MAGI2: variants seen among roughly 807,000 people sequenced by gnomAD.
MAGI2 encodes membrane-associated guanylate kinase, WW and PDZ domain-containing protein 2.
A neutral mutation model predicts 133.3 loss-of-function variants in MAGI2; 35 were observed. The observed-to-expected ratio is 0.26, with a 90% confidence interval of 0.20 to 0.35. The LOEUF (loss-of-function observed/expected upper bound fraction) is 0.35, where lower values mean the gene tolerates loss of function less well. Ranked by LOEUF, MAGI2 falls within the 10% of genes least tolerant of loss-of-function variation. MAGI2 has a pLI of 1.00. For synonymous variants in MAGI2, 729 were observed against 710.6 expected (o/e 1.03, Z -0.41); for missense variants, 1,636 against 1,863.4 (o/e 0.88, Z 2.25).
chr7:79,261,990 C>T (rs749955144), intron 1 of MAGI2, among the ~76,000 whole-genome samples: 4 of 152,102 alleles, frequency 2.6e-5, no homozygotes, highest in African/African-American at 7.2e-5. Context: ...ACTTAACTTG[C>T]AAATATAGTA....
Position 78,586,710 on chromosome 7 carries a change from C to T in MAGI2, c.538+40410G>A, listed in dbSNP as rs374693514. On this transcript the variant is annotated intron_variant, in intron 3 of 21. Transcript: ENST00000354212. ...TTCATCTTCCCAGACTCAAACTATACGAATCAAACCAGAACTCTCCATTCT... is the reference window on the plus strand; with the variant it reads ...TTCATCTTCCCAGACTCAAACTATATGAATCAAACCAGAACTCTCCATTCT... Among the ~76,000 whole-genome samples the T allele has an allele frequency of 4.6e-5, 7 of 152,272 alleles. No homozygotes were observed. The South Asian group carries it at 1.0e-3, about 23-fold the overall frequency.
chr7:79,253,500 T>C (rs1453769632), intron 1 of MAGI2, among the ~76,000 whole-genome samples: 1 of 151,906 alleles, frequency 6.6e-6, no homozygotes, highest in Non-Finnish European at 1.5e-5. Flanking sequence ...AAAATTAGCC[T>C]GGCATGGTAG....
intron 9 of MAGI2, among the ~76,000 whole-genome samples, chr7:78,304,947 G>A (rs912054839): frequency 6.6e-6 from 1 of 152,116 alleles, no homozygotes; most frequent in Admixed American, 6.5e-5. Flanking sequence ...TGTGTGGAAT[G>A]GAGTAGCACT....
At chr7:78,252,963 A>G in intron 10 of MAGI2, 1 of 140,586 alleles carries the variant, frequency 7.1e-6, no homozygotes, top group Middle Eastern at 3.7e-3. Flanking sequence ...AAAAAAAACA[A>G]TGGGCAGCTA....
chr7:79,223,684 G>C (rs375110734), intron 1 of MAGI2, among the ~76,000 whole-genome samples: 14 of 152,004 alleles, frequency 9.2e-5, no homozygotes, highest in East Asian at 5.8e-4. Flanking sequence ...AAATAAATTT[G>C]AGCTCACAGA....
intron 2 of MAGI2, among the ~76,000 whole-genome samples, chr7:78,860,743 G>T (rs545402268): frequency 3.0e-4 from 46 of 152,158 alleles, no homozygotes; most frequent in Non-Finnish European, 5.9e-4. Context: ...CACACTCTGT[G>T]CTGGGAGAAC....
Position 78,538,827 on chromosome 7 carries a change from C to G in MAGI2, c.539-17182G>C, listed in dbSNP as rs545169961. Reference sequence around the variant, plus strand: ...ACTTGCTCTTTGCTGATTTGGATGTCCTTTATTTCTTTCTCTTGTTGAATC... The same window carrying G: ...ACTTGCTCTTTGCTGATTTGGATGTGCTTTATTTCTTTCTCTTGTTGAATC... On this transcript the variant is annotated intron_variant, in intron 3 of 21. Transcript: ENST00000354212. 5.5e-4 allele frequency among the ~76,000 whole-genome samples: 83 copies of G among 152,136 alleles called. 1 individual carries two copies. The highest frequency in any genetic ancestry group is 8.8e-4 in the Non-Finnish European group (60 of 67,990).
At chr7:79,351,304 T>C (rs138538557) in intron 1 of MAGI2, among the ~76,000 whole-genome samples, 15 of 152,272 alleles carry the variant, frequency 9.9e-5, no homozygotes, top group African/African-American at 1.4e-4. Context: ...TTGGTATGCA[T>C]CTGGTAAAAT....
intron 9 of MAGI2, among the ~76,000 whole-genome samples, chr7:78,298,300 G>A (rs1468737212): frequency 6.6e-6 from 1 of 152,122 alleles, no homozygotes; most frequent in Non-Finnish European, 1.5e-5. Context: ...GTGGTATCCT[G>A]GATGGGACCC....
intron 4 of MAGI2, among the ~76,000 whole-genome samples, chr7:78,512,078 G>C (rs953723705): frequency 6.6e-6 from 1 of 151,470 alleles, no homozygotes; most frequent in African/African-American, 2.4e-5. Flanking sequence ...AGCGGAGATC[G>C]TGCCACTGCA....
intron 2 of MAGI2, among the ~76,000 whole-genome samples, chr7:78,727,785 T>C (rs1312069659): frequency 6.6e-6 from 1 of 152,224 alleles, no homozygotes; most frequent in African/African-American, 2.4e-5. Context: ...ACATCTGTTA[T>C]CTTTGAGTCT....
At chr7:78,329,116 T>C (rs928802518) in intron 9 of MAGI2, among the ~76,000 whole-genome samples, 1 of 152,192 alleles carries the variant, frequency 6.6e-6, no homozygotes, top group Non-Finnish European at 1.5e-5. Context: ...ACTCAAGATT[T>C]ACCATGTGTA....
intron 1 of MAGI2, among the ~76,000 whole-genome samples, chr7:79,309,264 T>C (rs996504096): frequency 6.6e-6 from 1 of 151,914 alleles, no homozygotes; most frequent in African/African-American, 2.4e-5. Flanking sequence ...GGAAGAAGAA[T>C]AAAAGGCAAT....
chr7:78,736,092 T>C (rs1300434382), intron 2 of MAGI2, among the ~76,000 whole-genome samples: 2 of 152,162 alleles, frequency 1.3e-5, no homozygotes, highest in Admixed American at 1.3e-4. Flanking sequence ...CAAAGAGAGA[T>C]AAGATCACAT....
At chr7:78,266,745 T>A (rs989850439) in intron 9 of MAGI2, among the ~76,000 whole-genome samples, 5 of 151,750 alleles carry the variant, frequency 3.3e-5, no homozygotes, top group African/African-American at 1.2e-4. Context: ...ACCAGGCTAA[T>A]TTTTTTGTAT....
At chr7:79,129,059 C>T (rs943082639) in intron 1 of MAGI2, among the ~76,000 whole-genome samples, 3 of 151,860 alleles carry the variant, frequency 2.0e-5, no homozygotes, top group East Asian at 3.9e-4. Flanking sequence ...TTAGCAGAAA[C>T]GGGGTTTCAC....
At chr7:78,338,295 T>C (rs1789988582) in intron 9 of MAGI2, among the ~76,000 whole-genome samples, 2 of 152,314 alleles carry the variant, frequency 1.3e-5, no homozygotes, top group Middle Eastern at 3.4e-3. Context: ...ACTGTGCCTC[T>C]CTGCATGTGC....
intron 21 of MAGI2, among the ~76,000 whole-genome samples, chr7:78,056,857 TAC>T (rs1812628828): frequency 6.6e-6 from 1 of 152,046 alleles, no homozygotes; most frequent in South Asian, 2.1e-4. Context: ...TACGTAGGTG[TAC>T]ACACACACTG....
At chr7:78,520,075 T>C (rs777206498) in intron 4 of MAGI2, among the ~76,000 whole-genome samples, 1 of 152,218 alleles carries the variant, frequency 6.6e-6, no homozygotes, top group Non-Finnish European at 1.5e-5. Flanking sequence ...ACAAGTTACA[T>C]TACTTATAGT....
Sources: allele counts gnomAD v4.1 joint callset (sites outside exome capture counted in the v4.1 genomes callset), GRCh38; gene constraint gnomAD v4.1.1; transcripts MANE v1.5; gene names NCBI Gene and HGNC (gene_info 2026-07-23, HGNC 2026-07-21).